Variants in ADAMTSL1 observed in about 807,000 individuals in gnomAD.
ADAMTSL1 encodes the protein ADAMTS-like protein 1.
Under a neutral mutation model 201.8 loss-of-function variants are expected in ADAMTSL1, and 126 were observed. That is an observed-to-expected ratio of 0.62 (90% CI 0.54 to 0.72). ADAMTSL1 has a LOEUF of 0.72. Ranked by LOEUF, ADAMTSL1 falls within the 30% of genes least tolerant of loss-of-function variation. ADAMTSL1 has a pLI of 0.00. For synonymous variants in ADAMTSL1, 1,121 were observed against 903.4 expected (o/e 1.24, Z -4.32); for missense variants, 2,679 against 2,277.8 (o/e 1.18, Z -3.59).
chr9:17,947,438 G>A (rs927071358), intron 1 of ADAMTSL1, among the ~76,000 whole-genome samples: 4 of 151,684 alleles, frequency 2.6e-5, no homozygotes, highest in African/African-American at 9.7e-5. Context: ...TTTCAACCCT[G>A]TGCATTTCTT....
chr9:18,415,425 A>G (rs1215943087), intron 2 of ADAMTSL1, among the ~76,000 whole-genome samples: 1 of 152,214 alleles, frequency 6.6e-6, no homozygotes, highest in Non-Finnish European at 1.5e-5. Context: ...CCCATGGACC[A>G]TATTAGTAAC....
At chr9:18,546,381 A>C (rs983937510) in intron 3 of ADAMTSL1, among the ~76,000 whole-genome samples, 1 of 152,072 alleles carries the variant, frequency 6.6e-6, no homozygotes, top group African/African-American at 2.4e-5. Context: ...GTACAATCAC[A>C]GCTCACTATA....
At chr9:18,691,464 G>A (rs1162026188) in intron 13 of ADAMTSL1, among the ~76,000 whole-genome samples, 1 of 152,110 alleles carries the variant, frequency 6.6e-6, no homozygotes, top group Admixed American at 6.6e-5. Context: ...GTATCATTAT[G>A]TGTACCTCAG....
At chr9:18,182,305 A>G (rs1162158747) in intron 2 of ADAMTSL1, among the ~76,000 whole-genome samples, 1 of 152,084 alleles carries the variant, frequency 6.6e-6, no homozygotes. Flanking sequence ...AAAAAGAAGA[A>G]TTAGATAGTG....
intron 1 of ADAMTSL1, among the ~76,000 whole-genome samples, chr9:18,496,869 G>A (rs1391599042): frequency 6.6e-6 from 1 of 152,140 alleles, no homozygotes; most frequent in Non-Finnish European, 1.5e-5. Context: ...CAGTTTGGAC[G>A]GACCTCTGGT....
intron 2 of ADAMTSL1, among the ~76,000 whole-genome samples, chr9:18,184,135 A>G (rs1281060986): frequency 6.6e-6 from 1 of 152,190 alleles, no homozygotes; most frequent in Non-Finnish European, 1.5e-5. Context: ...AATGGATTCC[A>G]AAGTTCATTC....
At chr9:17,973,568 C>G (rs1470087412) in intron 1 of ADAMTSL1, among the ~76,000 whole-genome samples, 1 of 93,096 alleles carries the variant, frequency 1.1e-5, no homozygotes, top group Non-Finnish European at 2.6e-5. Context: ...GTTACTGTAG[C>G]CTTGTAGTAT....
At chr9:18,085,329 G>T (rs1823700316) in intron 1 of ADAMTSL1, among the ~76,000 whole-genome samples, 1 of 151,914 alleles carries the variant, frequency 6.6e-6, no homozygotes, top group Admixed American at 6.6e-5. Flanking sequence ...GGCCTCTGTT[G>T]CCTCCTCTTT....
intron 1 of ADAMTSL1, among the ~76,000 whole-genome samples, chr9:18,114,692 A>G (rs1156978967): frequency 1.3e-5 from 2 of 152,172 alleles, no homozygotes; most frequent in Non-Finnish European, 2.9e-5. Context: ...AAGAAGATTC[A>G]TGTTAAATCC....
chr9:17,946,307 T>A (rs1827472716), intron 1 of ADAMTSL1, among the ~76,000 whole-genome samples: 1 of 152,014 alleles, frequency 6.6e-6, no homozygotes, highest in Non-Finnish European at 1.5e-5. Flanking sequence ...CTGACCTTAA[T>A]ATTTTTGAAA....
At chr9:18,556,984 G>A (rs1821145017) in intron 3 of ADAMTSL1, among the ~76,000 whole-genome samples, 1 of 151,926 alleles carries the variant, frequency 6.6e-6, no homozygotes, top group Admixed American at 6.6e-5. Flanking sequence ...ATGAACTTGG[G>A]TATCTGTAGG....
At chr9:18,824,383 C>T (rs929579830) in intron 21 of ADAMTSL1, among the ~76,000 whole-genome samples, 4 of 152,182 alleles carry the variant, frequency 2.6e-5, no homozygotes, top group Non-Finnish European at 5.9e-5. Context: ...ATAAAGTATC[C>T]TACTGTTAGA....
chr9:18,107,559 T>A (rs980203992), intron 1 of ADAMTSL1, among the ~76,000 whole-genome samples: 1 of 152,180 alleles, frequency 6.6e-6, no homozygotes, highest in Non-Finnish European at 1.5e-5. Flanking sequence ...CATGATTTTT[T>A]TTTATAGCCA....
In ADAMTSL1 at chr9:18,440,680, G is replaced by A. The variant is rs138525564; in HGVS notation, c.208-64149G>A. On this transcript the variant is annotated intron_variant, in intron 2 of 29. Coordinates refer to the ADAMTSL1 transcript ENST00000680146. ...TAAGTAGGCTTTCCTAAAAATTACC[G>A]CAATTTTAATATGATGCATCATTTT... Among the ~76,000 whole-genome samples the A allele has an allele frequency of 1.7e-3, 257 of 151,066 alleles. 2 individuals are homozygous for A. Among genetic ancestry groups the A allele is most frequent in the African/African-American group, 5.7e-3 (236 of 41,152 alleles).
intron 3 of ADAMTSL1, among the ~76,000 whole-genome samples, chr9:18,569,357 C>T (rs956018348): frequency 2.0e-5 from 3 of 152,074 alleles, no homozygotes; most frequent in African/African-American, 4.8e-5. Flanking sequence ...GCTTAAAACT[C>T]GGGGAGAGAA....
intron 2 of ADAMTSL1, among the ~76,000 whole-genome samples, chr9:18,278,115 T>C (rs1388942834): frequency 6.6e-6 from 1 of 152,184 alleles, no homozygotes; most frequent in Admixed American, 6.5e-5. Context: ...ATATTGTGTA[T>C]TCATTAGGAA....
chr9:18,670,835 G>A (rs1242657193), intron 9 of ADAMTSL1, among the ~76,000 whole-genome samples: 1 of 152,134 alleles, frequency 6.6e-6, no homozygotes, highest in Non-Finnish European at 1.5e-5. Context: ...TTGGCCCTCA[G>A]TATCCATGGG....
chr9:18,787,217 CA>C (rs778565740), intron 19 of ADAMTSL1, among the ~76,000 whole-genome samples: 6 of 152,124 alleles, frequency 3.9e-5, no homozygotes, highest in South Asian at 2.1e-4. Flanking sequence ...ATGTTTTTCC[CA>C]GTTGAAAAGT....
chr9:18,315,345 G>A (rs999033245), intron 2 of ADAMTSL1, among the ~76,000 whole-genome samples: 24 of 152,100 alleles, frequency 1.6e-4, no homozygotes, highest in Admixed American at 1.3e-3. Flanking sequence ...GGTCGCAGGC[G>A]GAGCTGCCTG....
Sources: allele counts gnomAD v4.1 joint callset (sites outside exome capture counted in the v4.1 genomes callset), GRCh38; gene constraint gnomAD v4.1.1; transcripts MANE v1.5; gene names NCBI Gene and HGNC (gene_info 2026-07-23, HGNC 2026-07-21).